Variants in SLC5A1 observed in about 807,000 individuals in gnomAD.
The protein encoded by SLC5A1 is solute carrier family 5 member 1.
Under a neutral mutation model 73.5 loss-of-function variants are expected in SLC5A1, and 42 were observed. The observed-to-expected ratio is 0.57, with a 90% CI of 0.45 to 0.74. The LOEUF (loss-of-function observed/expected upper bound fraction) is 0.74. Among genes scored for constraint, SLC5A1 ranks in the 30% least tolerant of loss-of-function variants. The probability of loss-of-function intolerance (pLI) is 0.00; values close to 1 mark genes in which losing one functional copy is unlikely to be tolerated. For missense variants in SLC5A1, 634 were observed against 855.4 expected (o/e 0.74, Z 3.23); for synonymous variants, 300 against 317.4 (o/e 0.95, Z 0.58).
At chr22:32,107,169 C>G (rs1200240472) in intron 14 of SLC5A1, among the ~76,000 whole-genome samples, 3 of 152,292 alleles carry the variant, frequency 2.0e-5, no homozygotes, top group African/African-American at 7.2e-5. Flanking sequence ...TCCTGCCTCC[C>G]TGGGGCAGGC....
chr22:32,062,378 A>G (rs2093964575), intron 2 of SLC5A1, among the ~76,000 whole-genome samples: 1 of 152,226 alleles, frequency 6.6e-6, no homozygotes, highest in African/African-American at 2.4e-5. Flanking sequence ...CCTAAAATCA[A>G]AAGAATAAAT....
At chr22:32,094,366 G>A (rs2094022954) in intron 11 of SLC5A1, among the ~76,000 whole-genome samples, 1 of 152,102 alleles carries the variant, frequency 6.6e-6, no homozygotes, top group African/African-American at 2.4e-5. Flanking sequence ...GAATGATTTA[G>A]GGAGGATTCC....
chr22:32,068,602 T>C lies in SLC5A1; in HGVS notation c.477+2T>C, dbSNP rs201600358. 1 of 1,594,542 alleles carries C rather than the reference T, an allele frequency of 6.3e-7. No homozygotes were observed. The highest frequency in any genetic ancestry group is 8.6e-7 in the Non-Finnish European group (1 of 1,163,222). ...CTCTACATTTTCACCAAGATCTCGG[T>C]GAGTCCACTGCCCCAGAGGGCTGGG... On this transcript the variant is annotated splice_donor_variant, in intron 5 of 14. Transcript: ENST00000266088. LOFTEE classifies it high-confidence loss of function.
chr22:32,043,880 A>G lies in SLC5A1; in HGVS notation c.135+464A>G, dbSNP rs1051815743. ...GCCAGCCCCAGAGATGGGGATGCTG[A>G]GGTGGCAGACAGAGGGATGCTGACC... On this transcript the variant is annotated intron_variant, in intron 1 of 14. Transcript: ENST00000266088. This position sits in a 1 kb window ranked among gnomAD's most constrained non-coding sequence, Gnocchi z 6.5. Among the ~76,000 whole-genome samples the G allele has an allele frequency of 6.6e-6, 1 of 152,154 alleles. No individual in the cohort carries two copies. The highest frequency in any genetic ancestry group is 2.4e-5 in the African/African-American group (1 of 41,428).
At chr22:32,099,103 AAAATATATATATAT>A (rs2094031624) in intron 11 of SLC5A1, 66 bp from the exon 12 acceptor site, 13 of 80,750 alleles carry the variant, frequency 1.6e-4, no homozygotes, top group Non-Finnish European at 1.8e-4. Flanking sequence ...AAAAAAAAAA[AAAATATATATATAT>A]ATATATATAT....
chr22:32,095,738 G>C (rs939704492), intron 11 of SLC5A1, among the ~76,000 whole-genome samples: 1 of 152,178 alleles, frequency 6.6e-6, no homozygotes, highest in Non-Finnish European at 1.5e-5. Flanking sequence ...AAATTTATGT[G>C]AGTCCTTATG....
At chr22:32,091,283 A>G (rs943908552) in intron 10 of SLC5A1, among the ~76,000 whole-genome samples, 1 of 141,628 alleles carries the variant, frequency 7.1e-6, no homozygotes, top group African/African-American at 2.7e-5. Flanking sequence ...CCTCAGATGG[A>G]AACACACATA....
chr22:32,053,637 G>T (rs1259808254), intron 2 of SLC5A1, among the ~76,000 whole-genome samples: 1 of 151,922 alleles, frequency 6.6e-6, no homozygotes, highest in African/African-American at 2.4e-5. Flanking sequence ...TGCCTTCCCA[G>T]AATTTTCTAA....
intron 5 of SLC5A1, among the ~76,000 whole-genome samples, chr22:32,070,465 T>G (rs1045778978): frequency 1.9e-4 from 29 of 151,636 alleles, no homozygotes; most frequent in Non-Finnish European, 3.4e-4. Context: ...CTTGTGTAGC[T>G]GGGGCTACAG....
chr22:32,067,567 T>C (rs1351409922), intron 3 of SLC5A1, among the ~76,000 whole-genome samples: 1 of 151,994 alleles, frequency 6.6e-6, no homozygotes, highest in African/African-American at 2.4e-5. Flanking sequence ...AAGCAGGGCC[T>C]CACTATATTG....
intron 1 of SLC5A1, among the ~76,000 whole-genome samples, chr22:32,045,997 A>C (rs781191088): frequency 2.6e-4 from 40 of 152,240 alleles, no homozygotes; most frequent in Non-Finnish European, 3.2e-4. Context: ...GACCCTGTAT[A>C]TTCCACAAAG....
At chr22:32,079,714 C>G (rs1372137977) in intron 5 of SLC5A1, among the ~76,000 whole-genome samples, 1 of 152,188 alleles carries the variant, frequency 6.6e-6, no homozygotes, top group East Asian at 1.9e-4. Context: ...AACAGAATTT[C>G]ACTGCAATCA....
intron 11 of SLC5A1, among the ~76,000 whole-genome samples, chr22:32,097,241 C>T (rs1833787505): frequency 6.6e-6 from 1 of 152,154 alleles, no homozygotes; most frequent in Non-Finnish European, 1.5e-5. Context: ...TAAGATCAAC[C>T]AGGAGCTCAG....
chr22:32,058,402 A>G (rs1277330099), intron 2 of SLC5A1, among the ~76,000 whole-genome samples: 1 of 152,248 alleles, frequency 6.6e-6, no homozygotes. Flanking sequence ...ACTTGAATTT[A>G]TCCAATTGTT....
At chr22:32,094,649 G>C (rs1388807956) in intron 11 of SLC5A1, among the ~76,000 whole-genome samples, 1 of 152,054 alleles carries the variant, frequency 6.6e-6, no homozygotes, top group Non-Finnish European at 1.5e-5. Context: ...TAGTAGCCTT[G>C]AATTATCTTT....
At chr22:32,054,405 A>G (rs1178525413) in intron 2 of SLC5A1, among the ~76,000 whole-genome samples, 1 of 152,218 alleles carries the variant, frequency 6.6e-6, no homozygotes, top group South Asian at 2.1e-4. Flanking sequence ...TTAAGTGCTC[A>G]GAAGAAAGTG....
intron 5 of SLC5A1, among the ~76,000 whole-genome samples, chr22:32,072,608 A>G (rs2149489299): frequency 6.6e-6 from 1 of 152,308 alleles, no homozygotes; most frequent in Admixed American, 6.5e-5. Flanking sequence ...CCATTGTGCT[A>G]TTATCATATC....
At position 32,091,652 on chromosome 22, in the gene SLC5A1, CATG is replaced by C. The variant is rs2094017849; in HGVS notation, c.1172_1174del (p.Met391del). On this transcript the variant is annotated inframe_deletion, in exon 11 of 15. Coordinates refer to ENST00000266088, the MANE Select transcript of SLC5A1 (RefSeq NM_000343.4). ...TGCTATCAGTCATGCTGGCCTCCCT[CATG>C]AGCTCCCTGACCTCCATCTTCAACA... 6.2e-7 allele frequency: 1 copy of C among 1,614,176 alleles called. No homozygotes were observed. Among genetic ancestry groups the C allele is most frequent in the African/African-American group, 1.3e-5 (1 of 75,046 alleles).
At chr22:32,064,140 TAAATG>T (rs1171036424) in intron 2 of SLC5A1, among the ~76,000 whole-genome samples, 3 of 152,176 alleles carry the variant, frequency 2.0e-5, no homozygotes, top group Non-Finnish European at 1.5e-5. Context: ...CAAGAGGTGA[TAAATG>T]AAAAGATAGT....
Sources: allele counts gnomAD v4.1 joint callset (sites outside exome capture counted in the v4.1 genomes callset), GRCh38; gene constraint gnomAD v4.1.1; non-coding constraint Gnocchi (gnomAD v3.1); transcripts MANE v1.5; gene names NCBI Gene and HGNC (gene_info 2026-07-23, HGNC 2026-07-21).